The following SLC24A2 variants were observed in gnomAD, a reference collection of about 807,000 sequenced individuals.
SLC24A2 encodes sodium/potassium/calcium exchanger 2.
A neutral mutation model predicts 62.0 loss-of-function variants in SLC24A2; 36 were observed. The ratio of observed to expected loss-of-function variants is 0.58; its 90% CI spans 0.44 to 0.77. The LOEUF (loss-of-function observed/expected upper bound fraction) is 0.77. Ranked by LOEUF, SLC24A2 falls within the 30% of genes least tolerant of loss-of-function variation. SLC24A2 has a pLI of 0.00. For synonymous variants in SLC24A2, 358 were observed against 294.0 expected (o/e 1.22, Z -2.23); for missense variants, 846 against 817.9 (o/e 1.03, Z -0.42).
At chr9:19,563,502 G>A (rs1258595209) in intron 7 of SLC24A2, among the ~76,000 whole-genome samples, 6 of 152,162 alleles carry the variant, frequency 3.9e-5, no homozygotes, top group Non-Finnish European at 8.8e-5. Context: ...TAGGAAGAAA[G>A]ACATCATATG....
At chr9:19,849,719 A>G in the SLC24A2 span, among the ~76,000 whole-genome samples, 1 of 152,190 alleles carries the variant, frequency 6.6e-6, no homozygotes, top group Non-Finnish European at 1.5e-5. Flanking sequence ...GTATCCAACT[A>G]AACGTCTCTG....
chr9:20,050,891 A>G, the SLC24A2 span, among the ~76,000 whole-genome samples: 1 of 152,202 alleles, frequency 6.6e-6, no homozygotes, highest in East Asian at 1.9e-4. Flanking sequence ...TGAACTAAAA[A>G]ATAATTAAAG....
the SLC24A2 span, among the ~76,000 whole-genome samples, chr9:20,234,351 C>A: frequency 3.3e-5 from 5 of 152,216 alleles, no homozygotes; most frequent in African/African-American, 7.2e-5. Flanking sequence ...CTCCCCGTCA[C>A]TTTCAGATAC....
chr9:20,082,806 T>C, the SLC24A2 span, among the ~76,000 whole-genome samples: 2 of 152,250 alleles, frequency 1.3e-5, no homozygotes, highest in Non-Finnish European at 2.9e-5. Context: ...TTATATTATG[T>C]GCAATTTACC....
the SLC24A2 span, among the ~76,000 whole-genome samples, chr9:20,031,186 G>T: frequency 6.6e-6 from 1 of 150,936 alleles, no homozygotes; most frequent in Non-Finnish European, 1.5e-5. Context: ...ACATATATGT[G>T]TAGGTGAAGA....
chr9:19,778,045 G>A (rs1290138962), intron 2 of SLC24A2, among the ~76,000 whole-genome samples: 1 of 152,126 alleles, frequency 6.6e-6, no homozygotes, highest in Admixed American at 6.5e-5. Flanking sequence ...TGATGGTCAG[G>A]CTGTATTAAA....
the SLC24A2 span, among the ~76,000 whole-genome samples, chr9:19,874,972 G>T: frequency 3.5e-5 from 4 of 115,694 alleles, no homozygotes; most frequent in Admixed American, 1.1e-4. Context: ...TGTTTTCTAT[G>T]TCTAACTTTA....
chr9:19,716,686 C>G (rs948102547), intron 2 of SLC24A2, among the ~76,000 whole-genome samples: 2 of 152,190 alleles, frequency 1.3e-5, no homozygotes, highest in African/African-American at 4.8e-5. Flanking sequence ...CCTCCCCTAT[C>G]TGACCCTTTC....
chr9:20,305,228 C>G, the SLC24A2 span, among the ~76,000 whole-genome samples: 1 of 151,780 alleles, frequency 6.6e-6, no homozygotes, highest in South Asian at 2.1e-4. Context: ...CTGCCTCAGC[C>G]TCCTGAGTAG....
At chr9:19,827,382 T>C in the SLC24A2 span, among the ~76,000 whole-genome samples, 1 of 152,146 alleles carries the variant, frequency 6.6e-6, no homozygotes, top group African/African-American at 2.4e-5. Context: ...GGTGCTTTCT[T>C]CCTGAGAATG....
the SLC24A2 span, among the ~76,000 whole-genome samples, chr9:19,805,241 T>A: frequency 7.2e-5 from 11 of 152,312 alleles, no homozygotes; most frequent in Non-Finnish European, 1.3e-4. Flanking sequence ...CCTCTTTAGC[T>A]GTACATTTTC....
At chr9:20,230,535 T>G in the SLC24A2 span, among the ~76,000 whole-genome samples, 1 of 152,250 alleles carries the variant, frequency 6.6e-6, no homozygotes, top group African/African-American at 2.4e-5. Flanking sequence ...ATGTCTTCTT[T>G]TGAGTAGTGT....
the SLC24A2 span, among the ~76,000 whole-genome samples, chr9:20,104,973 C>A: frequency 6.6e-6 from 1 of 152,142 alleles, no homozygotes; most frequent in African/African-American, 2.4e-5. Flanking sequence ...CAGAGACACA[C>A]ATAGGCTCAA....
At chr9:20,098,828 G>A in the SLC24A2 span, among the ~76,000 whole-genome samples, 1 of 152,210 alleles carries the variant, frequency 6.6e-6, no homozygotes, top group Non-Finnish European at 1.5e-5. Context: ...ATCTCTCACA[G>A]TTTCTTTACT....
Position 19,764,544 on chromosome 9 carries a change from T to G in SLC24A2, c.930+21393A>C, listed in dbSNP as rs533632915. 9.2e-5 allele frequency among the ~76,000 whole-genome samples: 14 copies of G among 152,348 alleles called. No homozygotes were observed. In the South Asian group the frequency reaches 2.1e-3, roughly 23 times the overall value. On this transcript the variant is annotated intron_variant, in intron 2 of 10. Transcript: ENST00000341998. ...TTCAAAGAACTTATTTATTTCTGTC[T>G]TAATTTTGTTATTTACGCAGTAGTC... is the stretch of plus-strand genomic sequence containing the variant.
the SLC24A2 span, among the ~76,000 whole-genome samples, chr9:20,128,000 T>C: frequency 6.6e-6 from 1 of 152,206 alleles, no homozygotes; most frequent in Admixed American, 6.5e-5. Context: ...CGTAGTAGCA[T>C]TTCTACTATG....
the SLC24A2 span, among the ~76,000 whole-genome samples, chr9:20,023,233 C>T: frequency 1.3e-5 from 2 of 152,108 alleles, no homozygotes; most frequent in Non-Finnish European, 2.9e-5. Flanking sequence ...ATTCATTTGA[C>T]CTGGTGTTAC....
the SLC24A2 span, among the ~76,000 whole-genome samples, chr9:19,801,832 C>A: frequency 6.6e-6 from 1 of 152,056 alleles, no homozygotes; most frequent in African/African-American, 2.4e-5. Flanking sequence ...AGGAAATAAT[C>A]ACTGTTTTTT....
intron 7 of SLC24A2, among the ~76,000 whole-genome samples, chr9:19,563,840 C>A (rs375624733): frequency 1.9e-5 from 1 of 53,882 alleles, no homozygotes; most frequent in Non-Finnish European, 3.4e-5. Context: ...CTCCCTCCCT[C>A]CCTCCCTCCC....
Sources: allele counts gnomAD v4.1 joint callset (sites outside exome capture counted in the v4.1 genomes callset), GRCh38; gene constraint gnomAD v4.1.1; transcripts MANE v1.5; gene names NCBI Gene and HGNC (gene_info 2026-07-23, HGNC 2026-07-21).